Variants in SERAC1 observed in about 807,000 individuals in gnomAD.
SERAC1 encodes protein SERAC1.
A neutral mutation model predicts 85.7 loss-of-function variants in SERAC1; 36 were observed. The ratio of observed to expected loss-of-function variants is 0.42; its 90% CI spans 0.32 to 0.55. The LOEUF is 0.55. Ranked by LOEUF, SERAC1 falls within the 20% of genes least tolerant of loss-of-function variation. The probability of loss-of-function intolerance (pLI) is 0.11; values close to 1 mark genes in which losing one functional copy is unlikely to be tolerated. For synonymous variants in SERAC1, 242 were observed against 265.3 expected (o/e 0.91, Z 0.85); for missense variants, 629 against 796.2 (o/e 0.79, Z 2.53).
At chr6:158,157,721 G>C (rs1231846705) in intron 2 of SERAC1, among the ~76,000 whole-genome samples, 1 of 152,172 alleles carries the variant, frequency 6.6e-6, no homozygotes, top group African/African-American at 2.4e-5. Flanking sequence ...AAATAACTAG[G>C]TTATAGTGGT....
At chr6:158,131,088 A>G (rs1784661404) in intron 8 of SERAC1, among the ~76,000 whole-genome samples, 2 of 151,822 alleles carry the variant, frequency 1.3e-5, no homozygotes, top group African/African-American at 4.8e-5. Flanking sequence ...AAACATTTCA[A>G]TTTTCTATTG....
chr6:158,129,798 G>A (rs1784629304), intron 9 of SERAC1, among the ~76,000 whole-genome samples: 1 of 151,432 alleles, frequency 6.6e-6, no homozygotes, highest in African/African-American at 2.4e-5. Context: ...CCAGGTTCAA[G>A]CGATTCTCCT....
rs367903368 is a variant in SERAC1 at position 158,119,067 on chromosome 6, T to A, written c.1270A>T (p.Met424Leu). The A allele has an allele frequency of 7.4e-6, 12 of 1,613,984 alleles. No homozygotes were observed. In the South Asian group the frequency reaches 1.3e-4, roughly 18 times the overall value. Residue 424 changes from methionine (M) to leucine (L), a missense_variant, in exon 12 of 17, where the codon ATG becomes TTG. Coordinates refer to ENST00000647468, the MANE Select transcript of SERAC1 (RefSeq NM_032861.4). This position sits in a 1 kb window ranked among gnomAD's most constrained non-coding sequence, Gnocchi z 4.5. Reference protein sequence around the residue: ...DSEQAVIEKPMEDEDRYTTCW... With the variant: ...DSEQAVIEKPLEDEDRYTTCW... Reference sequence around the variant, plus strand: ...GTCGTATATCTGTCTTCATCCTCCATAGGTTTTTCAATTACAGCCTGCTCA... The same window carrying A: ...GTCGTATATCTGTCTTCATCCTCCAAAGGTTTTTCAATTACAGCCTGCTCA...
chr6:158,160,253 T>A (rs570179575), intron 1 of SERAC1, among the ~76,000 whole-genome samples: 2 of 152,038 alleles, frequency 1.3e-5, no homozygotes, highest in African/African-American at 4.8e-5. Flanking sequence ...CTTATCTGAG[T>A]CCCTAGGAAC....
intron 9 of SERAC1, 104 bp from the exon 10 acceptor site, chr6:158,128,374 G>A: frequency 2.0e-6 from 2 of 985,310 alleles, no homozygotes; most frequent in Non-Finnish European, 3.0e-6. Context: ...CCACTCAAGG[G>A]CAGGGATGCA....
chr6:158,144,416 G>T lies in SERAC1; in HGVS notation c.492C>A (p.Tyr164Ter). The T allele has an allele frequency of 1.3e-6, 2 of 1,566,040 alleles. No individual in the cohort carries two copies. The highest frequency in any genetic ancestry group is 1.2e-5 in the South Asian group (1 of 82,138). Residue 164 changes from tyrosine to a stop codon, truncating the protein, a stop_gained, in exon 7 of 17, where the codon TAC (tyrosine) becomes TAA (stop). Transcript: ENST00000647468. LOFTEE classifies it high-confidence loss of function. ...EMSETHHWHDYQYRIIAQACD... is the reference protein window; with the variant it reads ...EMSETHHWHD ...AGGCTTGAGCAATTATCCTATACTGGTAATCTATTGAAAAAGCATTTTCTT... is the reference window on the plus strand; with the variant it reads ...AGGCTTGAGCAATTATCCTATACTGTTAATCTATTGAAAAAGCATTTTCTT...
chr6:158,124,812 T>C (rs961428781), intron 10 of SERAC1, among the ~76,000 whole-genome samples: 3 of 149,124 alleles, frequency 2.0e-5, no homozygotes, highest in Non-Finnish European at 4.5e-5. Flanking sequence ...AAAGAATACT[T>C]TATCCAGGGA....
chr6:158,137,396 G>C (rs1356212789), intron 8 of SERAC1, among the ~76,000 whole-genome samples: 1 of 151,318 alleles, frequency 6.6e-6, no homozygotes, highest in Non-Finnish European at 1.5e-5. Flanking sequence ...TTTTTGAGAC[G>C]GAGTCTTGCT....
intron 1 of SERAC1, 38 bp from the exon 2 acceptor site, chr6:158,158,402 C>T: frequency 6.8e-7 from 1 of 1,475,866 alleles, no homozygotes; most frequent in Non-Finnish European, 9.5e-7. Flanking sequence ...TTTAATTTAG[C>T]ATCTAAATCA....
In SERAC1 at chr6:158,128,140, T is replaced by C. The variant is rs2128415116; in HGVS notation, c.983A>G (p.Asn328Ser). The change falls in exon 10 of 17, where the codon AAT (asparagine) becomes AGT (serine). Residue 328 changes from asparagine (N) to serine (S), a missense_variant. Asn to Ser is a conservative substitution (Grantham distance 46). Coordinates refer to ENST00000647468, the MANE Select transcript of SERAC1 (RefSeq NM_032861.4). ...IMRVIGNMAL[N>S]EHLHSSIVRS... ...AACTATAGAAGAATGAAGATGTTCA[T>C]TCAAAGCCATATTTCCAATGACACG... is the stretch of plus-strand genomic sequence containing the variant. 2.5e-6 allele frequency: 4 copies of C among 1,614,138 alleles called. No homozygotes were observed. The highest frequency in any genetic ancestry group is 3.4e-6 in the Non-Finnish European group (4 of 1,180,002).
chr6:158,151,714 C>T (rs925474812), intron 3 of SERAC1, among the ~76,000 whole-genome samples: 7 of 152,026 alleles, frequency 4.6e-5, no homozygotes, highest in Non-Finnish European at 8.8e-5. Context: ...CGTGAGCTGC[C>T]GCGCCCGGCC....
In SERAC1 at chr6:158,130,473, C is replaced by A; in HGVS notation, c.752G>T (p.Cys251Phe). 1 of 1,570,398 alleles carries A rather than the reference C, an allele frequency of 6.4e-7. No individual in the cohort carries two copies. The highest frequency in any genetic ancestry group is 8.6e-7 in the Non-Finnish European group (1 of 1,158,978). ...SLAAQKGGLW[C>F]FGGNGLPYAE... is the part of the protein sequence containing the mutation. ...ATAAGGAAGTCCATTTCCTCCAAAACACCATAAACCACCCTGAAATTAAAA... is the reference window on the plus strand; with the variant it reads ...ATAAGGAAGTCCATTTCCTCCAAAAAACCATAAACCACCCTGAAATTAAAA... The change falls in exon 9 of 17, where the codon TGT becomes TTT. Residue 251 changes from cysteine (C) to phenylalanine (F), a missense_variant. Physicochemically the swap from Cys to Phe is radical, Grantham distance 205. Coordinates refer to ENST00000647468, the MANE Select transcript of SERAC1 (RefSeq NM_032861.4).
intron 8 of SERAC1, among the ~76,000 whole-genome samples, chr6:158,135,546 T>A (rs1474501498): frequency 6.6e-6 from 1 of 151,926 alleles, no homozygotes; most frequent in Non-Finnish European, 1.5e-5. Flanking sequence ...AAAAAAGCTG[T>A]CATAAAAGAA....
chr6:158,140,328 C>T (rs533822189), intron 8 of SERAC1, among the ~76,000 whole-genome samples: 4 of 152,278 alleles, frequency 2.6e-5, no homozygotes, highest in Non-Finnish European at 4.4e-5. Flanking sequence ...TTGAGGTGAT[C>T]ACCAAAGGTC....
chr6:158,146,694 G>GC, intron 6 of SERAC1, 88 bp downstream of exon 6: 1 of 1,534,166 alleles, frequency 6.5e-7, no homozygotes, highest in South Asian at 1.2e-5. Context: ...ACAGGCGTGA[G>GC]CCACCGCACC....
intron 1 of SERAC1, among the ~76,000 whole-genome samples, chr6:158,162,565 T>A (rs1052177939): frequency 2.0e-5 from 3 of 152,196 alleles, no homozygotes; most frequent in African/African-American, 7.2e-5. Context: ...ATTCAACTTT[T>A]ACCTTCTGAT....
chr6:158,126,637 T>C (rs58529438), intron 10 of SERAC1, among the ~76,000 whole-genome samples: 2,451 of 152,258 alleles, frequency 0.016, 78 homozygotes, highest in African/African-American at 0.056. Context: ...TGTCAGAGGA[T>C]AGAAAGCAGG....
intron 8 of SERAC1, among the ~76,000 whole-genome samples, chr6:158,132,693 T>C (rs1332384401): frequency 6.6e-6 from 1 of 152,196 alleles, no homozygotes; most frequent in African/African-American, 2.4e-5. Context: ...CCCATTTCAT[T>C]CTCACTTTTG....
At chr6:158,114,401 A>C in intron 15 of SERAC1, 9 of 796,494 alleles carry the variant, frequency 1.1e-5, no homozygotes, top group Non-Finnish European at 1.4e-5. Context: ...TTATCAAACC[A>C]GAGTACTTTA....
Sources: gnomAD v4.1 joint callset for allele counts (sites outside exome capture counted in the v4.1 genomes callset) on GRCh38, gnomAD v4.1.1 for gene constraint, Gnocchi (gnomAD v3.1) non-coding constraint, MANE v1.5 for transcripts, NCBI Gene and HGNC (gene_info 2026-07-23, HGNC 2026-07-21) for gene names.